Variants in AOPEP observed in about 807,000 individuals in gnomAD.
The protein encoded by AOPEP is aminopeptidase O (putative).
Under a neutral mutation model 98.1 loss-of-function variants are expected in AOPEP, and 77 were observed. That is an observed-to-expected ratio of 0.78 (90% confidence interval 0.65 to 0.95). The LOEUF (loss-of-function observed/expected upper bound fraction) is 0.95. AOPEP is among the 40% of genes least tolerant of loss of function. The probability of loss-of-function intolerance (pLI) is 0.00; values close to 1 mark genes in which losing one functional copy is unlikely to be tolerated. For synonymous variants in AOPEP, 346 were observed against 365.3 expected (o/e 0.95, Z 0.60); for missense variants, 1,024 against 1,024.7 (o/e 1.00, Z 0.01).
intron 5 of AOPEP, among the ~76,000 whole-genome samples, chr9:94,836,252 G>A (rs1431881009): frequency 1.3e-5 from 2 of 152,212 alleles, no homozygotes; most frequent in African/African-American, 4.8e-5. Flanking sequence ...ATATCTGGGA[G>A]AGGGATTGCT....
At chr9:95,109,212 A>C in the AOPEP span, among the ~76,000 whole-genome samples, 1 of 152,214 alleles carries the variant, frequency 6.6e-6, no homozygotes, top group Non-Finnish European at 1.5e-5. Flanking sequence ...ACACCCGTCC[A>C]AGAGCATGAT....
chr9:94,813,550 T>C (rs1033241906), intron 5 of AOPEP, among the ~76,000 whole-genome samples: 1 of 152,222 alleles, frequency 6.6e-6, no homozygotes, highest in African/African-American at 2.4e-5. Context: ...CCTGGAATCC[T>C]TGCTACTCAG....
chr9:95,125,024 A>G, the AOPEP span: 1 of 1,440,158 alleles, frequency 6.9e-7, no homozygotes, highest in East Asian at 2.3e-5. Flanking sequence ...CTCTTGTCCA[A>G]AATACTCTCA....
chr9:95,091,246 G>A (rs945681572), downstream of AOPEP, among the ~76,000 whole-genome samples: 4 of 152,176 alleles, frequency 2.6e-5, no homozygotes, highest in Non-Finnish European at 4.4e-5. Flanking sequence ...GTGAGGGGAG[G>A]TGCTGGCAGG....
chr9:95,085,376 A>T, intron 16 of AOPEP: 1 of 498,134 alleles, frequency 2.0e-6, no homozygotes, highest in Non-Finnish European at 4.2e-6. Flanking sequence ...TCTTCTTTGG[A>T]AACAAAAGAA....
the AOPEP span, among the ~76,000 whole-genome samples, chr9:95,108,677 T>G: frequency 6.6e-6 from 1 of 152,196 alleles, no homozygotes; most frequent in South Asian, 2.1e-4. Context: ...ACATATATGC[T>G]TACTATGGAA....
chr9:94,981,546 C>T (rs991430618), intron 11 of AOPEP, among the ~76,000 whole-genome samples: 12 of 152,152 alleles, frequency 7.9e-5, no homozygotes, highest in African/African-American at 1.4e-4. Context: ...CTACCCATTT[C>T]GGCCATGATT....
At chr9:95,092,801 T>C in the AOPEP span, among the ~76,000 whole-genome samples, 1 of 152,098 alleles carries the variant, frequency 6.6e-6, no homozygotes, top group Non-Finnish European at 1.5e-5. Context: ...AGAACAGAAG[T>C]GCGTTTCCTG....
At chr9:94,731,907 C>T (rs543576936) in intron 1 of AOPEP, among the ~76,000 whole-genome samples, 4 of 150,426 alleles carry the variant, frequency 2.7e-5, no homozygotes, top group African/African-American at 9.8e-5. Context: ...GCCTCAGCCT[C>T]CCAAGTAGCT....
intron 7 of AOPEP, chr9:94,932,183 C>G: frequency 1.0e-6 from 1 of 989,610 alleles, no homozygotes; most frequent in Non-Finnish European, 1.2e-6. Flanking sequence ...ATCTTGGGCT[C>G]TGGAAGGACA....
At position 95,082,516 on chromosome 9, in the gene AOPEP, T is replaced by C. The variant is rs114582875; in HGVS notation, c.2320-59T>C. 1.2e-4 allele frequency: 185 copies of C among 1,585,032 alleles called. No homozygotes were observed. The African/African-American group carries it at 2.2e-3, about 19-fold the overall frequency. ...AACAAGCACAGACTGAGCTCATGTG[T>C]GCGTGTGTGTGGGTACCCACACCTT... is the stretch of plus-strand genomic sequence containing the variant. On this transcript the variant is annotated intron_variant, in intron 15 of 16. Transcript: ENST00000375315.
At chr9:94,898,610 C>T (rs1012541487) in intron 5 of AOPEP, among the ~76,000 whole-genome samples, 2 of 143,012 alleles carry the variant, frequency 1.4e-5, no homozygotes, top group Non-Finnish European at 3.0e-5. Context: ...CCAGCCTGGG[C>T]GACAGAACAA....
chr9:95,121,820 C>T, the AOPEP span, among the ~76,000 whole-genome samples: 1 of 151,638 alleles, frequency 6.6e-6, no homozygotes, highest in East Asian at 1.9e-4. Context: ...GATCAAACTA[C>T]TTTCAGAAAG....
chr9:94,998,857 G>A lies in AOPEP; in HGVS notation c.1978-6301G>A, dbSNP rs72750376. Reference sequence around the variant, plus strand: ...ATCTAAGCCCCTTTCTTCTGGTTTTGATACCAAGAAGTAAAATATTTGGTT... The same window carrying A: ...ATCTAAGCCCCTTTCTTCTGGTTTTAATACCAAGAAGTAAAATATTTGGTT... On this transcript the variant is annotated intron_variant, in intron 11 of 16. Transcript: ENST00000375315. Among the ~76,000 whole-genome samples the A allele has an allele frequency of 2.3e-3, 347 of 152,252 alleles. 1 individual carries two copies. Among genetic ancestry groups the A allele is most frequent in the Non-Finnish European group, 4.2e-3 (286 of 68,008 alleles).
chr9:94,939,462 G>A (rs2056746170), intron 7 of AOPEP, among the ~76,000 whole-genome samples: 1 of 152,112 alleles, frequency 6.6e-6, no homozygotes, highest in South Asian at 2.1e-4. Context: ...TGAGGATATG[G>A]ATTGAGCTTC....
intron 13 of AOPEP, among the ~76,000 whole-genome samples, chr9:95,015,116 G>A (rs1327171625): frequency 6.6e-6 from 1 of 152,164 alleles, no homozygotes; most frequent in East Asian, 1.9e-4. Flanking sequence ...GAGTTTCCAT[G>A]CCTGGTCTTT....
At position 94,964,208 on chromosome 9, in the gene AOPEP, C is replaced by T. The variant is rs564934160; in HGVS notation, c.1873-3550C>T. Among the ~76,000 whole-genome samples the T allele has an allele frequency of 2.0e-5, 3 of 152,354 alleles. No homozygotes were observed. The South Asian group carries it at 6.2e-4, about 32-fold the overall frequency. On this transcript the variant is annotated intron_variant, in intron 9 of 16. Transcript: ENST00000375315. ...CCCCTGGGCCTGCCATCCCCAGCAT[C>T]GCTGGCAGCCTCCAGCTCACTGCTC... is the stretch of plus-strand genomic sequence containing the variant.
chr9:94,984,181 C>T (rs1029053463), intron 11 of AOPEP, among the ~76,000 whole-genome samples: 9 of 151,860 alleles, frequency 5.9e-5, no homozygotes, highest in African/African-American at 7.3e-5. Flanking sequence ...TACAGGCGCC[C>T]GCCACCACGC....
intron 14 of AOPEP, among the ~76,000 whole-genome samples, chr9:95,077,103 C>T (rs2069154189): frequency 6.6e-6 from 1 of 152,194 alleles, no homozygotes; most frequent in South Asian, 2.1e-4. Flanking sequence ...CTGACCCTCA[C>T]AGCTGCTCCC....
Sources: gnomAD v4.1 joint callset for allele counts (sites outside exome capture counted in the v4.1 genomes callset) on GRCh38, gnomAD v4.1.1 for gene constraint, MANE v1.5 for transcripts, NCBI Gene and HGNC (gene_info 2026-07-23, HGNC 2026-07-21) for gene names.